CATSPERB: variants seen among roughly 807,000 people sequenced by gnomAD.
CATSPERB encodes the protein cation channel sperm-associated auxiliary subunit beta.
Under a neutral mutation model 128.3 loss-of-function variants are expected in CATSPERB, and 93 were observed. The ratio of observed to expected loss-of-function variants is 0.72; its 90% CI spans 0.61 to 0.86. The LOEUF is 0.86. Among genes scored for constraint, CATSPERB ranks in the 40% least tolerant of loss-of-function variants. The probability of loss-of-function intolerance (pLI) is 0.00; values close to 1 mark genes in which losing one functional copy is unlikely to be tolerated. For missense variants in CATSPERB, 1,153 were observed against 1,329.5 expected (o/e 0.87, Z 2.06); for synonymous variants, 381 against 448.8 (o/e 0.85, Z 1.91).
intron 14 of CATSPERB, 129 bp from the exon 15 acceptor site, chr14:91,660,110 TCTCTCTCACA>T (rs1894850031): frequency 5.0e-6 from 3 of 600,494 alleles, no homozygotes; most frequent in Admixed American, 3.2e-5. Flanking sequence ...TCTCTCTCTC[TCTCTCTCACA>T]CACACACACA....
chr14:91,689,063 T>C (rs1895422275), intron 10 of CATSPERB, among the ~76,000 whole-genome samples: 1 of 152,210 alleles, frequency 6.6e-6, no homozygotes, highest in Non-Finnish European at 1.5e-5. Context: ...TCTAGCCCTC[T>C]GGGCTGCCAT....
intron 21 of CATSPERB, among the ~76,000 whole-genome samples, chr14:91,609,895 A>AT (rs1167639559): frequency 1.3e-5 from 2 of 151,634 alleles, no homozygotes; most frequent in African/African-American, 4.9e-5. Flanking sequence ...TAATTTTTGT[A>AT]TTTTTTGTAG....
At chr14:91,633,401 T>G (rs948024455) in intron 17 of CATSPERB, among the ~76,000 whole-genome samples, 2 of 152,024 alleles carry the variant, frequency 1.3e-5, no homozygotes, top group South Asian at 2.1e-4. Flanking sequence ...TATTCCAGTC[T>G]TAAACTCTTC....
intron 10 of CATSPERB, among the ~76,000 whole-genome samples, chr14:91,684,995 T>G (rs2139840535): frequency 6.6e-6 from 1 of 152,106 alleles, no homozygotes; most frequent in Middle Eastern, 3.4e-3. Flanking sequence ...GGCATGATCG[T>G]AGCTCACTCC....
chr14:91,685,080 C>A (rs976086962), intron 10 of CATSPERB, among the ~76,000 whole-genome samples: 1 of 152,068 alleles, frequency 6.6e-6, no homozygotes, highest in Non-Finnish European at 1.5e-5. Context: ...GTGTGCACCA[C>A]CATGCCTGGG....
At chr14:91,651,789 G>A (rs1894708095) in intron 15 of CATSPERB, among the ~76,000 whole-genome samples, 1 of 152,200 alleles carries the variant, frequency 6.6e-6, no homozygotes, top group South Asian at 2.1e-4. Flanking sequence ...TACAAAGATT[G>A]TGGGGTGGCA....
At chr14:91,619,702 T>C (rs1294021116) in intron 19 of CATSPERB, among the ~76,000 whole-genome samples, 2 of 152,152 alleles carry the variant, frequency 1.3e-5, no homozygotes, top group Non-Finnish European at 2.9e-5. Context: ...GCCTGTTGAC[T>C]CTCTGTTATG....
chr14:91,638,358 G>A (rs1343037931), intron 16 of CATSPERB, among the ~76,000 whole-genome samples: 3 of 151,340 alleles, frequency 2.0e-5, no homozygotes, highest in African/African-American at 7.3e-5. Context: ...CCAGGGAGAA[G>A]GGTTAATAGG....
intron 4 of CATSPERB, 46 bp from the exon 5 acceptor site, chr14:91,719,524 A>G: frequency 1.4e-6 from 2 of 1,379,916 alleles, no homozygotes; most frequent in African/African-American, 1.4e-5. Flanking sequence ...CAACATGAAT[A>G]ACAACACATC....
At chr14:91,591,188 G>A (rs566902205) in intron 23 of CATSPERB, among the ~76,000 whole-genome samples, 1 of 152,210 alleles carries the variant, frequency 6.6e-6, no homozygotes, top group East Asian at 1.9e-4. Context: ...CTGAGTAGCT[G>A]GGACTACAGG....
At chr14:91,677,376 C>G (rs190574335) in intron 11 of CATSPERB, among the ~76,000 whole-genome samples, 1 of 152,184 alleles carries the variant, frequency 6.6e-6, no homozygotes, top group Admixed American at 6.5e-5. Flanking sequence ...GAAAAAAAAT[C>G]CCATCAAAAA....
At chr14:91,622,417 G>T (rs978193854) in intron 18 of CATSPERB, among the ~76,000 whole-genome samples, 10 of 152,174 alleles carry the variant, frequency 6.6e-5, no homozygotes, top group African/African-American at 2.4e-4. Flanking sequence ...GAGGTTCTTG[G>T]GCAGGACCTT....
chr14:91,590,120 C>T (rs575111707), intron 23 of CATSPERB, among the ~76,000 whole-genome samples: 7 of 152,082 alleles, frequency 4.6e-5, no homozygotes, highest in Admixed American at 6.5e-5. Flanking sequence ...CTCTGTGGCT[C>T]GAATTAAATG....
At chr14:91,640,389 C>CCCCCCTG (rs1336761747) in intron 15 of CATSPERB, among the ~76,000 whole-genome samples, 1 of 82,880 alleles carries the variant, frequency 1.2e-5, no homozygotes, top group East Asian at 4.3e-4. Flanking sequence ...TGCTATCCCT[C>CCCCCCTG]CCCCCTCCCC....
intron 15 of CATSPERB, among the ~76,000 whole-genome samples, chr14:91,658,044 C>A (rs1253542456): frequency 6.6e-6 from 1 of 151,774 alleles, no homozygotes; most frequent in African/African-American, 2.4e-5. Context: ...ATATACCCCC[C>A]AAAAAAGAGA....
intron 10 of CATSPERB, among the ~76,000 whole-genome samples, chr14:91,690,398 T>C (rs1397950469): frequency 6.6e-6 from 1 of 152,180 alleles, no homozygotes; most frequent in Non-Finnish European, 1.5e-5. Flanking sequence ...GCAAACAGCA[T>C]AGACAGGGCT....
In CATSPERB at chr14:91,645,978, C is replaced by T. The variant is rs574892338; in HGVS notation, c.1433-6728G>A. Among the ~76,000 whole-genome samples the T allele has an allele frequency of 4.0e-5, 6 of 149,980 alleles. No individual in the cohort carries two copies. The East Asian group carries it at 6.0e-4, about 15-fold the overall frequency. On this transcript the variant is annotated intron_variant, in intron 15 of 26. Coordinates refer to ENST00000256343, the MANE Select transcript of CATSPERB (RefSeq NM_024764.4). ...TGGGAGTGACCCGATTTTCCAGGTG[C>T]GTCCGTCACCCCTTTCTTTGACTCG...
At chr14:91,683,757 A>T (rs1332027603) in intron 11 of CATSPERB, 120 bp downstream of exon 11, 2 of 615,916 alleles carry the variant, frequency 3.2e-6, no homozygotes, top group Admixed American at 3.3e-5. Flanking sequence ...CCCTTTTTAA[A>T]CCCTCCCCAG....
At chr14:91,608,452 C>T in intron 21 of CATSPERB, 48 bp from the exon 22 acceptor site, 1 of 1,107,926 alleles carries the variant, frequency 9.0e-7, no homozygotes, top group Non-Finnish European at 1.3e-6. Flanking sequence ...ATTATGAAGT[C>T]TTTAATTTAT....
Sources: allele counts gnomAD v4.1 joint callset (sites outside exome capture counted in the v4.1 genomes callset), GRCh38; gene constraint gnomAD v4.1.1; transcripts MANE v1.5; gene names NCBI Gene and HGNC (gene_info 2026-07-23, HGNC 2026-07-21).